Variants in SELENOF observed in about 807,000 individuals in gnomAD.
SELENOF encodes selenoprotein F.
SELENOF carries 16 observed loss-of-function variants against 20.5 expected under a neutral mutation model. The observed-to-expected ratio is 0.78, with a 90% CI of 0.53 to 1.19. The LOEUF (loss-of-function observed/expected upper bound fraction) is 1.19, where lower values mean the gene tolerates loss of function less well. SELENOF is among the 50% of genes most tolerant of loss of function. The pLI is 0.00. For missense variants in SELENOF, 215 were observed against 194.2 expected, an observed-to-expected ratio of 1.11 and a Z score of -0.64; for synonymous variants, 78 against 74.5, an observed-to-expected ratio of 1.05 and a Z score of -0.24.
intron 2 of SELENOF, among the ~76,000 whole-genome samples, chr1:86,885,506 C>T (rs1659190200): frequency 6.6e-6 from 1 of 152,238 alleles, no homozygotes; most frequent in South Asian, 2.1e-4. Context: ...AACTCTTGTG[C>T]CATCATCATA....
In SELENOF at chr1:86,897,358, A is replaced by G. The variant is rs554682779; in HGVS notation, c.252+5923T>C. Among the ~76,000 whole-genome samples the G allele has an allele frequency of 1.2e-3, 179 of 152,268 alleles. 1 individual carries two copies. Among genetic ancestry groups the G allele is most frequent in the African/African-American group, 4.2e-3 (173 of 41,558 alleles). On this transcript the variant is annotated intron_variant, in intron 2 of 4. Transcript: ENST00000331835. ...GAGAGAAAGAAAAGCAAAACAATAG[A>G]TATAATATAGTGTAAATCAAAGTAT... is the stretch of plus-strand genomic sequence containing the variant.
intron 4 of SELENOF, among the ~76,000 whole-genome samples, chr1:86,867,466 T>C (rs1658630467): frequency 6.6e-6 from 1 of 151,524 alleles, no homozygotes; most frequent in Non-Finnish European, 1.5e-5. Flanking sequence ...CACTCCAGCC[T>C]GGGCAACAGA....
chr1:86,872,082 T>C (rs893572668), intron 3 of SELENOF, among the ~76,000 whole-genome samples: 1 of 152,216 alleles, frequency 6.6e-6, no homozygotes, highest in African/African-American at 2.4e-5. Flanking sequence ...TATTTTTGTA[T>C]TTTTAAATGA....
At chr1:86,914,396 T>C (rs1468390530), upstream of SELENOF, 7 of 484,744 alleles carry the variant, frequency 1.4e-5, no homozygotes, top group Non-Finnish European at 2.6e-5. Flanking sequence ...AGCCACGCCT[T>C]CGCCAGTTTT....
Position 86,899,755 on chromosome 1 carries a change from G to A in SELENOF, c.252+3526C>T, listed in dbSNP as rs1399286696. Among the ~76,000 whole-genome samples, 5 of 151,504 alleles carry A rather than the reference G, an allele frequency of 3.3e-5. No homozygotes were observed. The East Asian group carries it at 9.8e-4, about 30-fold the overall frequency. ...AGACGCTCCTCACTTCCCAGACGGGGTGGCTGCCGGGCGGAGGGGCTCCTC... is the reference window on the plus strand; with the variant it reads ...AGACGCTCCTCACTTCCCAGACGGGATGGCTGCCGGGCGGAGGGGCTCCTC... On this transcript the variant is annotated intron_variant, in intron 2 of 4. Coordinates refer to ENST00000331835, the MANE Select transcript of SELENOF (RefSeq NM_004261.5).
intron 2 of SELENOF, among the ~76,000 whole-genome samples, chr1:86,900,325 T>C (rs1659661101): frequency 6.6e-6 from 1 of 152,128 alleles, no homozygotes; most frequent in Admixed American, 6.5e-5. Context: ...CCAGACACCG[T>C]CTGCAATCCC....
chr1:86,879,209 T>C lies in SELENOF; in HGVS notation c.316+1453A>G, dbSNP rs182994185. Among the ~76,000 whole-genome samples, 9 of 152,228 alleles carry C rather than the reference T, an allele frequency of 5.9e-5. No individual in the cohort carries two copies. The South Asian group carries it at 8.3e-4, about 14-fold the overall frequency. On this transcript the variant is annotated intron_variant, in intron 3 of 4. Coordinates refer to ENST00000331835, the MANE Select transcript of SELENOF (RefSeq NM_004261.5). ...CTAAAAATCAATTGCTAAAACTTTC[T>C]AGAAATAAGAATGCTCACACTATCA...
intron 2 of SELENOF, among the ~76,000 whole-genome samples, chr1:86,882,268 AAAAG>A (rs1557459977): frequency 2.8e-5 from 4 of 143,886 alleles, no homozygotes; most frequent in Non-Finnish European, 6.1e-5. Context: ...AAAAAAAAAA[AAAAG>A]AAAGAAAGAA....
Position 86,914,072 on chromosome 1 carries a change from G to A in SELENOF, c.40C>T (p.Pro14Ser), listed in dbSNP as rs1254287130. Residue 14 changes from proline (P) to serine (S), a missense_variant, in exon 1 of 5, where the codon CCG becomes TCG. Transcript: ENST00000331835. ...AACAACAACCGTAGCCCAAACGCCGGCACCAGACACCCACTCGGCCCAGCC... is the reference window on the plus strand; with the variant it reads ...AACAACAACCGTAGCCCAAACGCCGACACCAGACACCCACTCGGCCCAGCC... ...MAAGPSGCLVPAFGLRLLLAT... is the reference protein window; with the variant it reads ...MAAGPSGCLVSAFGLRLLLAT... The A allele has an allele frequency of 1.9e-6, 3 of 1,613,778 alleles. No homozygotes were observed. In the African/African-American group the frequency reaches 4.0e-5, roughly 22 times the overall value.
chr1:86,895,954 G>A (rs534024073), intron 2 of SELENOF, among the ~76,000 whole-genome samples: 5 of 152,284 alleles, frequency 3.3e-5, no homozygotes, highest in Admixed American at 6.5e-5. Flanking sequence ...TAGGCCAGGC[G>A]CGGTGGCTCA....
At chr1:86,871,616 C>T (rs921862163) in intron 3 of SELENOF, among the ~76,000 whole-genome samples, 1 of 152,180 alleles carries the variant, frequency 6.6e-6, no homozygotes, top group African/African-American at 2.4e-5. Context: ...GGAAAAACTA[C>T]AGTTCCTCAA....
chr1:86,903,763 T>G (rs1345022212), intron 1 of SELENOF, among the ~76,000 whole-genome samples: 1 of 151,684 alleles, frequency 6.6e-6, no homozygotes, highest in Non-Finnish European at 1.5e-5. Flanking sequence ...CCCAGCTAAT[T>G]TTTGTATTTT....
chr1:86,897,759 A>C (rs1404891340), intron 2 of SELENOF, among the ~76,000 whole-genome samples: 1 of 152,232 alleles, frequency 6.6e-6, no homozygotes, highest in Non-Finnish European at 1.5e-5. Context: ...AATTTTTTGA[A>C]AGCCAGTCAG....
intron 3 of SELENOF, among the ~76,000 whole-genome samples, chr1:86,877,915 A>G (rs1658966372): frequency 6.6e-6 from 1 of 152,196 alleles, no homozygotes; most frequent in Non-Finnish European, 1.5e-5. Flanking sequence ...CTTTATAGAA[A>G]GTTTGCCAAG....
At chr1:86,888,989 A>C (rs1659307473) in intron 2 of SELENOF, among the ~76,000 whole-genome samples, 1 of 152,240 alleles carries the variant, frequency 6.6e-6, no homozygotes. Flanking sequence ...AATAAGAAAC[A>C]AAGCTACTAA....
chr1:86,877,222 A>T (rs1226717225), intron 3 of SELENOF, among the ~76,000 whole-genome samples: 2 of 152,194 alleles, frequency 1.3e-5, no homozygotes, highest in Non-Finnish European at 2.9e-5. Flanking sequence ...CTTACATGTT[A>T]TCTCATTAAT....
intron 3 of SELENOF, among the ~76,000 whole-genome samples, chr1:86,871,057 A>T (rs571076947): frequency 6.6e-6 from 1 of 152,248 alleles, no homozygotes; most frequent in East Asian, 1.9e-4. Flanking sequence ...ATAGCTTCCT[A>T]ATTTTGAATA....
At chr1:86,867,795 G>T (rs1658646512) in intron 4 of SELENOF, among the ~76,000 whole-genome samples, 1 of 148,092 alleles carries the variant, frequency 6.8e-6, no homozygotes. Flanking sequence ...CAGGAAAACT[G>T]AGGGTGGGGG....
intron 2 of SELENOF, among the ~76,000 whole-genome samples, chr1:86,902,821 A>G (rs935965041): frequency 6.6e-6 from 1 of 151,980 alleles, no homozygotes; most frequent in African/African-American, 2.4e-5. Flanking sequence ...ATTACTAGCA[A>G]TAGGTGTGTA....
Sources: allele counts gnomAD v4.1 joint callset (sites outside exome capture counted in the v4.1 genomes callset), GRCh38; gene constraint gnomAD v4.1.1; transcripts MANE v1.5; gene names NCBI Gene and HGNC (gene_info 2026-07-23, HGNC 2026-07-21).